Variants in HMGCLL1 observed in about 807,000 individuals in gnomAD.
The protein encoded by HMGCLL1 is 3-hydroxymethyl-3-methylglutaryl-CoA lyase, cytoplasmic.
Under a neutral mutation model 39.1 loss-of-function variants are expected in HMGCLL1, and 36 were observed. The observed-to-expected ratio is 0.92, with a 90% CI of 0.71 to 1.22. HMGCLL1 has a LOEUF of 1.22. Among genes scored for constraint, HMGCLL1 ranks in the 50% most tolerant of loss-of-function variants. The pLI, the probability that HMGCLL1 is intolerant of heterozygous loss-of-function variation, is 0.00. For missense variants in HMGCLL1, 451 were observed against 416.5 expected, an observed-to-expected ratio of 1.08 and a Z score of -0.72; for synonymous variants, 149 against 144.0, an observed-to-expected ratio of 1.03 and a Z score of -0.25.
the HMGCLL1 span, among the ~76,000 whole-genome samples, chr6:55,608,815 T>C: frequency 6.6e-6 from 1 of 152,224 alleles, no homozygotes; most frequent in Non-Finnish European, 1.5e-5. Context: ...AGCAGCGTGA[T>C]GGGAGACACT....
At chr6:55,523,803 T>C (rs889002590) in intron 3 of HMGCLL1, among the ~76,000 whole-genome samples, 3 of 151,916 alleles carry the variant, frequency 2.0e-5, no homozygotes, top group South Asian at 2.1e-4. Context: ...TCAAAATGTA[T>C]ACAACCAGAG....
chr6:55,484,495 T>A (rs962739930), intron 7 of HMGCLL1, among the ~76,000 whole-genome samples: 40 of 152,086 alleles, frequency 2.6e-4, no homozygotes, highest in African/African-American at 8.9e-4. Flanking sequence ...ACTCAAAAGC[T>A]CCATCTAGAT....
the HMGCLL1 span, among the ~76,000 whole-genome samples, chr6:55,649,503 CCTTT>C: frequency 6.6e-6 from 1 of 151,226 alleles, no homozygotes; most frequent in African/African-American, 2.4e-5. Flanking sequence ...CTGTTAGGAT[CCTTT>C]CTTTATCATT....
At position 55,561,785 on chromosome 6, in the gene HMGCLL1, C is replaced by T. The variant is rs527421418; in HGVS notation, c.108+17163G>A. 3.9e-5 allele frequency among the ~76,000 whole-genome samples: 6 copies of T among 152,104 alleles called. No homozygotes were observed. The South Asian group carries it at 1.2e-3, about 32-fold the overall frequency. On this transcript the variant is annotated intron_variant, in intron 1 of 8. Transcript: ENST00000274901. ...CATTCTAATTCCATAGTTTGAAGAG[C>T]ATTTTCTAATTTCTTCTTTCATTTT... is the stretch of plus-strand genomic sequence containing the variant.
In HMGCLL1 at chr6:55,444,897, G is replaced by A. The variant is rs185998266; in HGVS notation, c.796-5338C>T. ...GACTAATCTGCAAACATACTCTGGC[G>A]AAGGCAGACATAATCTGAGTAAAAG... On this transcript the variant is annotated intron_variant, in intron 7 of 8. Coordinates refer to ENST00000274901, the MANE Select transcript of HMGCLL1 (RefSeq NM_001042406.2). Among the ~76,000 whole-genome samples, 15 of 152,072 alleles carry A rather than the reference G, an allele frequency of 9.9e-5. No homozygotes were observed. In the East Asian group the frequency reaches 2.7e-3, roughly 27 times the overall value.
chr6:55,573,864 T>C (rs1026099748), intron 1 of HMGCLL1, among the ~76,000 whole-genome samples: 11 of 152,106 alleles, frequency 7.2e-5, no homozygotes, highest in Admixed American at 2.0e-4. Flanking sequence ...ATTAGCCAGA[T>C]GAATGCAAAA....
At chr6:55,510,968 C>G (rs961671987) in intron 5 of HMGCLL1, among the ~76,000 whole-genome samples, 4 of 151,578 alleles carry the variant, frequency 2.6e-5, no homozygotes, top group Admixed American at 6.6e-5. Flanking sequence ...TAAAGAGAAG[C>G]TGATAATCAC....
At chr6:55,459,771 C>T (rs1764477468) in intron 7 of HMGCLL1, among the ~76,000 whole-genome samples, 1 of 151,860 alleles carries the variant, frequency 6.6e-6, no homozygotes, top group Non-Finnish European at 1.5e-5. Context: ...GATGCCTATA[C>T]AAACAAACAC....
intron 7 of HMGCLL1, among the ~76,000 whole-genome samples, chr6:55,473,973 G>A (rs79613966): frequency 0.018 from 2,787 of 151,532 alleles, 84 homozygotes; most frequent in African/African-American, 0.063. Flanking sequence ...CAGTTGAAAT[G>A]CAATTCTTAA....
chr6:55,444,962 A>ATTAGC (rs1763751489), intron 7 of HMGCLL1, among the ~76,000 whole-genome samples: 1 of 152,046 alleles, frequency 6.6e-6, no homozygotes, highest in Non-Finnish European at 1.5e-5. Context: ...CTAGTACCAG[A>ATTAGC]TTAGCTCTAG....
At chr6:55,577,509 C>A (rs961459397) in intron 1 of HMGCLL1, among the ~76,000 whole-genome samples, 1 of 152,054 alleles carries the variant, frequency 6.6e-6, no homozygotes, top group African/African-American at 2.4e-5. Flanking sequence ...AATTTTATTT[C>A]TCGGGAATCC....
intron 7 of HMGCLL1, among the ~76,000 whole-genome samples, chr6:55,477,553 G>C (rs1465472606): frequency 8.1e-6 from 1 of 123,344 alleles, no homozygotes; most frequent in Non-Finnish European, 1.6e-5. Flanking sequence ...ATAAATGATG[G>C]ACCAAAAAAA....
Position 55,456,686 on chromosome 6 carries a change from T to A in HMGCLL1, c.796-17127A>T, listed in dbSNP as rs375785186. On this transcript the variant is annotated intron_variant, in intron 7 of 8. Transcript: ENST00000274901. ...TCTCAAGTAGAGCCCATATTTTCTT[T>A]GTGTCCTCCAATGCCTTCTGCTGAC... Among the ~76,000 whole-genome samples the A allele has an allele frequency of 1.4e-4, 21 of 152,274 alleles. No homozygotes were observed. The East Asian group carries it at 3.1e-3, about 22-fold the overall frequency.
chr6:55,595,742 A>T, the HMGCLL1 span, among the ~76,000 whole-genome samples: 1 of 152,222 alleles, frequency 6.6e-6, no homozygotes, highest in Non-Finnish European at 1.5e-5. Flanking sequence ...TAATTCATGA[A>T]TCTGGCCAAA....
intron 7 of HMGCLL1, among the ~76,000 whole-genome samples, chr6:55,493,139 C>T (rs1248012251): frequency 6.6e-6 from 1 of 151,914 alleles, no homozygotes; most frequent in African/African-American, 2.4e-5. Flanking sequence ...ACCTGCAGTG[C>T]TACTAACCCA....
chr6:55,522,446 C>G (rs1382837569), intron 3 of HMGCLL1, among the ~76,000 whole-genome samples: 1 of 151,896 alleles, frequency 6.6e-6, no homozygotes, highest in African/African-American at 2.4e-5. Flanking sequence ...TCAGTTCCAA[C>G]TGATAACATG....
chr6:55,476,087 T>C (rs1055343208), intron 7 of HMGCLL1, among the ~76,000 whole-genome samples: 1 of 151,686 alleles, frequency 6.6e-6, no homozygotes, highest in African/African-American at 2.4e-5. Flanking sequence ...CTCACATCAA[T>C]TTTAGAATCC....
the HMGCLL1 span, among the ~76,000 whole-genome samples, chr6:55,635,154 G>GA: frequency 1.6e-4 from 23 of 147,728 alleles, no homozygotes; most frequent in African/African-American, 4.2e-4. Context: ...GTAACTTACA[G>GA]AAAAAAAAAA....
the HMGCLL1 span, among the ~76,000 whole-genome samples, chr6:55,594,505 T>C: frequency 5.3e-5 from 8 of 152,224 alleles, no homozygotes; most frequent in African/African-American, 1.9e-4. Flanking sequence ...GAAACATTTG[T>C]TCTGAGAATA....
Sources: gnomAD v4.1 joint callset for allele counts (sites outside exome capture counted in the v4.1 genomes callset) on GRCh38, gnomAD v4.1.1 for gene constraint, MANE v1.5 for transcripts, NCBI Gene and HGNC (gene_info 2026-07-23, HGNC 2026-07-21) for gene names.